CFAP299: variants seen among roughly 807,000 people sequenced by gnomAD.
The protein encoded by CFAP299 is cilia and flagella associated protein 299, also known as cilia- and flagella-associated protein 299.
In CFAP299, 21 loss-of-function variants were observed where a neutral mutation model predicts 27.0. That is an observed-to-expected ratio of 0.78 (90% CI 0.55 to 1.12). CFAP299 has a LOEUF of 1.12. CFAP299 is among the 50% of genes most tolerant of loss of function. The probability of loss-of-function intolerance (pLI) is 0.00; values close to 1 mark genes in which losing one functional copy is unlikely to be tolerated. For synonymous variants in CFAP299, 104 were observed against 98.1 expected, an observed-to-expected ratio of 1.06 and a Z score of -0.36; for missense variants, 310 against 276.6, an observed-to-expected ratio of 1.12 and a Z score of -0.86.
chr4:80,681,030 G>A (rs1719802668), intron 3 of CFAP299, among the ~76,000 whole-genome samples: 1 of 152,054 alleles, frequency 6.6e-6, no homozygotes, highest in South Asian at 2.1e-4. Flanking sequence ...GCTTAGTGGA[G>A]GCAAGGCAAG....
intron 1 of CFAP299, among the ~76,000 whole-genome samples, chr4:80,337,455 T>C (rs1722207108): frequency 6.6e-6 from 1 of 151,938 alleles, no homozygotes; most frequent in Non-Finnish European, 1.5e-5. Context: ...CAGAGTGCAG[T>C]GGCCCCATCT....
At chr4:80,464,594 C>A (rs1461895062) in intron 2 of CFAP299, among the ~76,000 whole-genome samples, 1 of 152,050 alleles carries the variant, frequency 6.6e-6, no homozygotes, top group African/African-American at 2.4e-5. Context: ...TGTTATTTTT[C>A]TAACCTTTCC....
At chr4:80,864,418 G>GTATATATATAGGTATA (rs1732567113) in intron 3 of CFAP299, among the ~76,000 whole-genome samples, 2 of 140,916 alleles carry the variant, frequency 1.4e-5, no homozygotes, top group South Asian at 4.5e-4. Flanking sequence ...GTGTGTATGT[G>GTATATATATAGGTATA]TATATATATA....
chr4:80,592,807 A>G (rs1413723786), intron 3 of CFAP299, among the ~76,000 whole-genome samples: 2 of 152,208 alleles, frequency 1.3e-5, no homozygotes, highest in African/African-American at 4.8e-5. Context: ...TACGTTGCAT[A>G]ATATTTGAAA....
chr4:80,937,160 T>C (rs1460900263), intron 4 of CFAP299, among the ~76,000 whole-genome samples: 1 of 152,010 alleles, frequency 6.6e-6, no homozygotes, highest in East Asian at 1.9e-4. Context: ...TGTTAATTCA[T>C]CTTGATGAAT....
rs149543215 is a variant in CFAP299 at position 80,775,860 on chromosome 4, T to C, written c.334-94133T>C. Among the ~76,000 whole-genome samples, 1,495 of 152,250 alleles carry C rather than the reference T, an allele frequency of 9.8e-3. 20 individuals are homozygous for C. The highest frequency in any genetic ancestry group is 0.034 in the African/African-American group (1,433 of 41,548). On this transcript the variant is annotated intron_variant, in intron 3 of 5. Coordinates refer to ENST00000358105, the MANE Select transcript of CFAP299 (RefSeq NM_152770.3). ...TATTATTTTTAACACATGGAAATAT[T>C]CCAGTAAGTGATTTGAATTGCAATT... is the stretch of plus-strand genomic sequence containing the variant.
intron 4 of CFAP299, among the ~76,000 whole-genome samples, chr4:80,888,302 A>G (rs1229038835): frequency 6.6e-6 from 1 of 152,144 alleles, no homozygotes; most frequent in Non-Finnish European, 1.5e-5. Context: ...AAGATATTCC[A>G]TGCTAACGGA....
rs1405547718 is a variant in CFAP299, at chr4:80,944,930, G to A, written c.597G>A (p.Val199=). 3 of 1,611,290 alleles carry A rather than the reference G, an allele frequency of 1.9e-6. No individual in the cohort carries two copies. Among genetic ancestry groups the A allele is most frequent in the South Asian group, 2.2e-5 (2 of 90,720 alleles). ...AAAGAGACAGAAAAATTCTTAATGT[G>A]GACCCAAAGGTAATTCTTCTTTTAC... The part of the protein sequence containing the change: ...RYKRDRKILN[V]DPKAQPGDNS... The change falls in exon 5 of 6, where the codon GTG becomes GTA. Residue 199 remains valine, a synonymous_variant. Coordinates refer to ENST00000358105, the MANE Select transcript of CFAP299 (RefSeq NM_152770.3).
At chr4:80,906,128 C>A (rs901907762) in intron 4 of CFAP299, among the ~76,000 whole-genome samples, 2 of 152,176 alleles carry the variant, frequency 1.3e-5, no homozygotes, top group Admixed American at 6.5e-5. Context: ...GTTAAATATA[C>A]CCATTCCATA....
intron 4 of CFAP299, among the ~76,000 whole-genome samples, chr4:80,900,407 A>G (rs1042392032): frequency 4.6e-5 from 7 of 152,140 alleles, no homozygotes. Context: ...TGTATATCTC[A>G]TGTTTAAAGA....
intron 2 of CFAP299, among the ~76,000 whole-genome samples, chr4:80,426,357 A>G (rs1027973131): frequency 3.9e-5 from 6 of 152,078 alleles, no homozygotes; most frequent in Admixed American, 1.3e-4. Flanking sequence ...AAGGTTTTTG[A>G]TAGTTTTTAT....
intron 5 of CFAP299, among the ~76,000 whole-genome samples, chr4:80,963,148 T>C (rs1339577515): frequency 6.6e-6 from 1 of 152,084 alleles, no homozygotes; most frequent in Non-Finnish European, 1.5e-5. Flanking sequence ...TTTGACAAAC[T>C]TGAAATCAAG....
rs980159452 is a variant in CFAP299 at position 80,908,082 on chromosome 4, C to T, written c.477-36728C>T. Among the ~76,000 whole-genome samples, 19 of 152,208 alleles carry T rather than the reference C, an allele frequency of 1.2e-4. 1 individual carries two copies. Among genetic ancestry groups the T allele is most frequent in the Non-Finnish European group, 1.0e-4 (7 of 68,034 alleles). On this transcript the variant is annotated intron_variant, in intron 4 of 5. Transcript: ENST00000358105. ...TTAACAAGCAAGTGCAAAGTGATTT[C>T]AGACTTTGCTCAGGGAACCTGAAGT...
intron 2 of CFAP299, among the ~76,000 whole-genome samples, chr4:80,463,715 T>C (rs1729570233): frequency 6.6e-6 from 1 of 152,122 alleles, no homozygotes; most frequent in Non-Finnish European, 1.5e-5. Flanking sequence ...TATTTAACCA[T>C]AATTTCCTCC....
chr4:80,956,411 T>A (rs376346998), intron 5 of CFAP299, among the ~76,000 whole-genome samples: 38 of 152,198 alleles, frequency 2.5e-4, no homozygotes, highest in African/African-American at 8.4e-4. Context: ...AAAATTTATT[T>A]TATATGCATG....
At position 80,823,459 on chromosome 4, in the gene CFAP299, A is replaced by G. The variant is rs139906696; in HGVS notation, c.334-46534A>G. ...CAGGACAGTAAATAACTGGGCTGCA[A>G]TTCTTATGTAGGTACATTGGCTCAG... On this transcript the variant is annotated intron_variant, in intron 3 of 5. Transcript: ENST00000358105. Among the ~76,000 whole-genome samples, 124 of 152,272 alleles carry G rather than the reference A, an allele frequency of 8.1e-4. No homozygotes were observed. In the Middle Eastern group the frequency reaches 0.024, roughly 29 times the overall value.
the CFAP299 span, among the ~76,000 whole-genome samples, chr4:80,321,809 T>A: frequency 6.6e-6 from 1 of 152,288 alleles, no homozygotes; most frequent in Admixed American, 6.5e-5. Context: ...GCAAGTCCCG[T>A]TGGATGTGGA....
intron 1 of CFAP299, among the ~76,000 whole-genome samples, chr4:80,340,485 A>T (rs1027256357): frequency 6.6e-6 from 1 of 152,058 alleles, no homozygotes; most frequent in African/African-American, 2.4e-5. Flanking sequence ...ATATTCCTCT[A>T]GGAGATTCAG....
At chr4:80,379,686 A>G in intron 2 of CFAP299, among the ~76,000 whole-genome samples, 1 of 152,020 alleles carries the variant, frequency 6.6e-6, no homozygotes. Context: ...TAACCTCTAA[A>G]TGTTAGAAAA....
Sources: gnomAD v4.1 joint callset for allele counts (sites outside exome capture counted in the v4.1 genomes callset) on GRCh38, gnomAD v4.1.1 for gene constraint, MANE v1.5 for transcripts, NCBI Gene and HGNC (gene_info 2026-07-23, HGNC 2026-07-21) for gene names.